ANKRD45: variants seen among roughly 807,000 people sequenced by gnomAD.
ANKRD45 encodes ankyrin repeat domain 45, also known as ankyrin repeat domain-containing protein 45.
Under a neutral mutation model 28.1 loss-of-function variants are expected in ANKRD45, and 21 were observed. That is an observed-to-expected ratio of 0.75 (90% CI 0.53 to 1.08). The LOEUF is 1.08. ANKRD45 is among the 50% of genes least tolerant of loss of function. The probability of loss-of-function intolerance (pLI) is 0.00; values close to 1 mark genes in which losing one functional copy is unlikely to be tolerated. For missense variants in ANKRD45, 261 were observed against 308.7 expected, an observed-to-expected ratio of 0.85 and a Z score of 1.16; for synonymous variants, 86 against 103.9, an observed-to-expected ratio of 0.83 and a Z score of 1.05.
At chr1:173,691,175 T>G in the ANKRD45 span, among the ~76,000 whole-genome samples, 1 of 152,220 alleles carries the variant, frequency 6.6e-6, no homozygotes, top group African/African-American at 2.4e-5. Flanking sequence ...CCTTGGTCCA[T>G]GCCCAGAGTC....
At chr1:173,619,127 C>T (rs1667594692) in intron 5 of ANKRD45, among the ~76,000 whole-genome samples, 1 of 152,198 alleles carries the variant, frequency 6.6e-6, no homozygotes, top group Admixed American at 6.5e-5. Context: ...TGCAGGAGCT[C>T]CTGAAGGGAG....
chr1:173,687,084 A>G, the ANKRD45 span, among the ~76,000 whole-genome samples: 13 of 152,228 alleles, frequency 8.5e-5, no homozygotes, highest in Non-Finnish European at 1.8e-4. Flanking sequence ...TTTACAATTA[A>G]TGTTTTAAAA....
intron 2 of ANKRD45, 106 bp from the exon 3 acceptor site, chr1:173,647,119 G>C (rs1668972488): frequency 9.1e-7 from 1 of 1,101,628 alleles, no homozygotes; most frequent in Non-Finnish European, 1.3e-6. Flanking sequence ...CAATTACTGT[G>C]GGCCAGGCAC....
intron 3 of ANKRD45, among the ~76,000 whole-genome samples, chr1:173,645,993 A>G (rs1571744796): frequency 6.6e-6 from 1 of 152,348 alleles, no homozygotes; most frequent in East Asian, 1.9e-4. Flanking sequence ...TCCAGAGGGT[A>G]GGAACAACCA....
At chr1:173,695,665 T>C in the ANKRD45 span, among the ~76,000 whole-genome samples, 69 of 152,326 alleles carry the variant, frequency 4.5e-4, no homozygotes, top group African/African-American at 1.5e-3. Flanking sequence ...GATAAGCATA[T>C]GAGTGTGTGT....
rs60007196 is a variant in ANKRD45, at chr1:173,630,818, T to TAAA, written c.497-3662_497-3660dup. ...CTGGGTGACAGAGTAAGACTCTGTC[T>TAAA]AAAAAAAAAAAAAAAAAAAAAAAAA... On this transcript the variant is annotated intron_variant, in intron 3 of 5. Coordinates refer to ENST00000333279, the MANE Select transcript of ANKRD45 (RefSeq NM_198493.3). Among the ~76,000 whole-genome samples the TAAA allele has an allele frequency of 2.0e-3, 58 of 29,066 alleles. 2 individuals carry two copies. The highest frequency in any genetic ancestry group is 7.9e-3 in the East Asian group (6 of 756). The allele number at this position is 29,066 out of a possible 152,430, so 19.1% of individuals were successfully genotyped here.
intron 3 of ANKRD45, chr1:173,636,921 C>T (rs1248792731): frequency 6.5e-6 from 10 of 1,535,824 alleles, no homozygotes; most frequent in Non-Finnish European, 8.7e-6. Flanking sequence ...GTGGCAACCA[C>T]AGCATCAGTG....
At chr1:173,666,280 C>T (rs1036298391) in intron 1 of ANKRD45, among the ~76,000 whole-genome samples, 13 of 152,282 alleles carry the variant, frequency 8.5e-5, no homozygotes, top group African/African-American at 2.6e-4. Flanking sequence ...CCTGGATCTC[C>T]AGCTTGCTGA....
At chr1:173,656,484 C>CT (rs1232194896) in intron 2 of ANKRD45, among the ~76,000 whole-genome samples, 1 of 152,168 alleles carries the variant, frequency 6.6e-6, no homozygotes, top group Non-Finnish European at 1.5e-5. Context: ...ATACTCTAAT[C>CT]TTTATATCCA....
At chr1:173,637,902 C>A (rs2102343498) in intron 3 of ANKRD45, among the ~76,000 whole-genome samples, 1 of 152,308 alleles carries the variant, frequency 6.6e-6, no homozygotes, top group South Asian at 2.1e-4. Context: ...TGCCCCACTG[C>A]CCATTGTAGC....
intron 4 of ANKRD45, among the ~76,000 whole-genome samples, chr1:173,626,805 A>G (rs1667959353): frequency 6.6e-6 from 1 of 152,164 alleles, no homozygotes; most frequent in African/African-American, 2.4e-5. Context: ...CATTTCTAAG[A>G]TTCAGCCATG....
chr1:173,680,249 T>C, the ANKRD45 span, among the ~76,000 whole-genome samples: 1 of 152,228 alleles, frequency 6.6e-6, no homozygotes, highest in African/African-American at 2.4e-5. Flanking sequence ...CGTGTGTTTA[T>C]TGTGGCACTA....
chr1:173,645,452 G>T (rs1668878538), intron 3 of ANKRD45, among the ~76,000 whole-genome samples: 1 of 152,128 alleles, frequency 6.6e-6, no homozygotes, highest in African/African-American at 2.4e-5. Context: ...CTGACCACAT[G>T]CCAGGTATTG....
At chr1:173,672,021 CT>C (rs1323145841), upstream of ANKRD45, among the ~76,000 whole-genome samples, 1 of 152,118 alleles carries the variant, frequency 6.6e-6, no homozygotes, top group African/African-American at 2.4e-5. Context: ...TACACTCCTG[CT>C]CTAAAACTTG....
intron 5 of ANKRD45, among the ~76,000 whole-genome samples, chr1:173,619,926 A>G (rs980514654): frequency 1.3e-5 from 2 of 152,146 alleles, no homozygotes; most frequent in African/African-American, 2.4e-5. Context: ...ATATATGCAC[A>G]CAATACAGGA....
rs75418088 is a variant in ANKRD45 at position 173,643,438 on chromosome 1, C to T, written c.496+3408G>A. The stretch of plus-strand genomic sequence containing the variant: ...CACCTGCCTTGGTCTCCCAAAGTCC[C>T]GGGATTACAGGTGTGAGCCACTGCA... On this transcript the variant is annotated intron_variant, in intron 3 of 5. Coordinates refer to ENST00000333279, the MANE Select transcript of ANKRD45 (RefSeq NM_198493.3). Among the ~76,000 whole-genome samples, 22 of 151,886 alleles carry T rather than the reference C, an allele frequency of 1.4e-4. No individual in the cohort carries two copies. In the East Asian group the frequency reaches 4.1e-3, roughly 28 times the overall value.
intron 5 of ANKRD45, among the ~76,000 whole-genome samples, chr1:173,610,735 C>G (rs1667107559): frequency 6.6e-6 from 1 of 151,850 alleles, no homozygotes; most frequent in South Asian, 2.1e-4. Context: ...GGCAGGAGGA[C>G]TGTTTGAACC....
At chr1:173,656,041 C>T (rs1240257612) in intron 2 of ANKRD45, among the ~76,000 whole-genome samples, 1 of 152,226 alleles carries the variant, frequency 6.6e-6, no homozygotes, top group Non-Finnish European at 1.5e-5. Context: ...AGGGAAATCC[C>T]CTGACCCCTT....
the ANKRD45 span, among the ~76,000 whole-genome samples, chr1:173,697,876 G>C: frequency 6.6e-6 from 1 of 151,960 alleles, no homozygotes; most frequent in Non-Finnish European, 1.5e-5. Context: ...CTAGCAAATT[G>C]GATAAAGAGT....
Sources: gnomAD v4.1 joint callset for allele counts (sites outside exome capture counted in the v4.1 genomes callset) on GRCh38, gnomAD v4.1.1 for gene constraint, MANE v1.5 for transcripts, NCBI Gene and HGNC (gene_info 2026-07-23, HGNC 2026-07-21) for gene names.